PRIMPOL: variants seen among roughly 807,000 people sequenced by gnomAD.
PRIMPOL encodes DNA-directed primase/polymerase protein.
Under a neutral mutation model 63.6 loss-of-function variants are expected in PRIMPOL, and 54 were observed. That is an observed-to-expected ratio of 0.85 (90% confidence interval 0.68 to 1.07). The LOEUF is 1.07. Ranked by LOEUF, PRIMPOL falls within the 50% of genes least tolerant of loss-of-function variation. The pLI is 0.00. For synonymous variants in PRIMPOL, 197 were observed against 220.2 expected, an observed-to-expected ratio of 0.89 and a Z score of 0.93; for missense variants, 610 against 648.3, an observed-to-expected ratio of 0.94 and a Z score of 0.64.
In PRIMPOL at chr4:184,672,177, T is replaced by G; in HGVS notation, c.561T>G (p.Asn187Lys). ...GATAATAGCTTTTTTCCTTAGGTAA[T>G]TTTTTGAGAAAAATTTTGCAGCCTG... ...VAFKDNIHVG[N>K]FLRKILQPAL... Residue 187 changes from asparagine (N) to lysine (K), a missense_variant, in exon 7 of 14, where the codon AAT becomes AAG. Coordinates refer to ENST00000314970, the MANE Select transcript of PRIMPOL (RefSeq NM_152683.4). 1 of 1,606,070 alleles carries G rather than the reference T, an allele frequency of 6.2e-7. No individual in the cohort carries two copies. Among genetic ancestry groups the G allele is most frequent in the Non-Finnish European group, 8.5e-7 (1 of 1,177,330 alleles).
intron 3 of PRIMPOL, among the ~76,000 whole-genome samples, chr4:184,658,925 G>C (rs979509765): frequency 9.4e-4 from 138 of 146,748 alleles, no homozygotes; most frequent in African/African-American, 3.1e-3. Context: ...AAAAAAAAAG[G>C]CTCCTACATA....
At chr4:184,678,524 T>TA in intron 8 of PRIMPOL, 130 bp downstream of exon 8, 18 of 503,726 alleles carry the variant, frequency 3.6e-5, no homozygotes, top group Non-Finnish European at 5.0e-5. Flanking sequence ...TTCTTACAGC[T>TA]CTTTTTTTTT....
rs755812044 is a variant in PRIMPOL at position 184,694,566 on chromosome 4, T to C, written c.1470T>C (p.Asn490=). The C allele has an allele frequency of 6.2e-7, 1 of 1,613,896 alleles. No individual in the cohort carries two copies. Among genetic ancestry groups the C allele is most frequent in the Non-Finnish European group, 8.5e-7 (1 of 1,179,924 alleles). The change falls in exon 14 of 14, where the codon AAT becomes AAC. Residue 490 remains asparagine, a synonymous_variant. Transcript: ENST00000314970. ...ATGAAGCAGATGAAACTAGGAGCAA[T>C]GAAACCCAGAATCCTCATAAACCAT... ...TTDEADETRS[N]ETQNPHKPSP...
At chr4:184,685,897 G>A (rs1411611977) in intron 11 of PRIMPOL, among the ~76,000 whole-genome samples, 1 of 152,102 alleles carries the variant, frequency 6.6e-6, no homozygotes, top group East Asian at 1.9e-4. Context: ...CGCCTCCTGG[G>A]TTCTAGCAAT....
intron 7 of PRIMPOL, among the ~76,000 whole-genome samples, chr4:184,676,265 CT>C (rs1753295504): frequency 2.6e-5 from 4 of 151,556 alleles, no homozygotes; most frequent in Admixed American, 2.6e-4. Flanking sequence ...TACGACCACA[CT>C]TTTAATACAA....
chr4:184,666,895 A>G (rs1361619048), intron 6 of PRIMPOL, among the ~76,000 whole-genome samples: 1 of 152,214 alleles, frequency 6.6e-6, no homozygotes, highest in Non-Finnish European at 1.5e-5. Context: ...AGTCCAAAGG[A>G]GAAACACATA....
intron 7 of PRIMPOL, among the ~76,000 whole-genome samples, chr4:184,672,922 GTGATTTC>G (rs754625149): frequency 1.1e-4 from 16 of 152,146 alleles, no homozygotes; most frequent in Non-Finnish European, 2.1e-4. Flanking sequence ...GTTCAAACCA[GTGATTTC>G]TTAACCCAGT....
chr4:184,665,872 T>TA (rs1310300539), intron 5 of PRIMPOL, 45 bp from the exon 6 acceptor site: 1 of 1,371,254 alleles, frequency 7.3e-7, no homozygotes, highest in Non-Finnish European at 9.9e-7. Context: ...AGAAAAATTT[T>TA]AAAACAAAAA....
At chr4:184,673,166 T>C (rs1179504862) in intron 7 of PRIMPOL, among the ~76,000 whole-genome samples, 4 of 149,720 alleles carry the variant, frequency 2.7e-5, no homozygotes, top group Non-Finnish European at 4.4e-5. Context: ...GTCCCGCTCT[T>C]TAGCCCAGGC....
At chr4:184,691,450 T>C (rs1056210887) in intron 11 of PRIMPOL, 49 bp from the exon 12 acceptor site, 1 of 1,144,458 alleles carries the variant, frequency 8.7e-7, no homozygotes, top group Non-Finnish European at 1.3e-6. Flanking sequence ...GATTTTGTTT[T>C]CTACCCAGTC....
At chr4:184,658,947 G>A (rs1400956743) in intron 3 of PRIMPOL, among the ~76,000 whole-genome samples, 1 of 148,676 alleles carries the variant, frequency 6.7e-6, no homozygotes, top group African/African-American at 2.5e-5. Context: ...ATTTTTTTAT[G>A]TACTGGGGAA....
chr4:184,652,796 G>A (rs961069608), intron 2 of PRIMPOL, among the ~76,000 whole-genome samples: 1 of 151,782 alleles, frequency 6.6e-6, no homozygotes, highest in Admixed American at 6.6e-5. Context: ...TAATCTCAGG[G>A]TAGAGGGAGA....
At chr4:184,679,980 C>T (rs1755170753) in intron 8 of PRIMPOL, among the ~76,000 whole-genome samples, 1 of 152,122 alleles carries the variant, frequency 6.6e-6, no homozygotes, top group Non-Finnish European at 1.5e-5. Context: ...TGATGTTGAA[C>T]AAAACAACAT....
rs1049651755 is a variant in PRIMPOL at position 184,677,525 on chromosome 4, GCACGACAC to G, written c.845-706_845-699del. The stretch of plus-strand genomic sequence containing the variant: ...TAATATAGTTTTATATATTAGATAG[GCACGACAC>G]TGTCTAATATAGTTTTGTTATAAGT... On this transcript the variant is annotated intron_variant, in intron 7 of 13. Transcript: ENST00000314970. Among the ~76,000 whole-genome samples, 172 of 152,164 alleles carry G rather than the reference GCACGACAC, an allele frequency of 1.1e-3. 1 individual carries two copies. In the East Asian group the frequency reaches 0.024, roughly 21 times the overall value.
In PRIMPOL at chr4:184,691,537, A is replaced by T; in HGVS notation, c.1334A>T (p.Lys445Ile). The change falls in exon 12 of 14, where the codon AAA becomes ATA. Residue 445 changes from lysine to isoleucine, a missense_variant. Transcript: ENST00000314970. ...VDLKNEVWYQ[K>I]CHDPVCKAEN... is the part of the protein sequence containing the mutation. The stretch of plus-strand genomic sequence containing the variant: ...CTGAAAAATGAAGTTTGGTATCAAA[A>T]ATGTCATGACCCTGTATGTAAAGCA... 1.2e-6 allele frequency: 2 copies of T among 1,608,148 alleles called. No individual in the cohort carries two copies. Among genetic ancestry groups the T allele is most frequent in the Non-Finnish European group, 1.7e-6 (2 of 1,176,898 alleles).
At chr4:184,651,617 GT>G (rs1441238015) in intron 1 of PRIMPOL, among the ~76,000 whole-genome samples, 1 of 152,070 alleles carries the variant, frequency 6.6e-6, no homozygotes, top group African/African-American at 2.4e-5. Flanking sequence ...CAGTTTTCTG[GT>G]TTCCTGTAAA....
intron 6 of PRIMPOL, among the ~76,000 whole-genome samples, chr4:184,667,536 C>T (rs182846741): frequency 2.4e-3 from 364 of 152,176 alleles, no homozygotes; most frequent in African/African-American, 6.7e-3. Flanking sequence ...GGTCTTGATC[C>T]CCTGACCTTG....
In PRIMPOL at chr4:184,657,218, A is replaced by G. The variant is rs1258253519; in HGVS notation, c.78A>G (p.Ser26=). 5.6e-6 allele frequency: 9 copies of G among 1,613,770 alleles called. No individual in the cohort carries two copies. ...ASHYERKPLS[S]VYRPRLSKPE... The stretch of plus-strand genomic sequence containing the variant: ...ATTATGAGAGGAAACCGTTGTCCTC[A>G]GTGTATAGACCAAGATTGTCCAAGC... Residue 26 remains serine, a synonymous_variant, in exon 3 of 14, where the codon TCA becomes TCG. Transcript: ENST00000314970.
In PRIMPOL at chr4:184,694,362, A is replaced by G. The variant is rs1482086925; in HGVS notation, c.1426-160A>G. ...CAGCAACGTTTGAATCAGTGCACTC[A>G]TTCCCACGGTGAGATATCGGAGACA... On this transcript the variant is annotated intron_variant, in intron 13 of 13. Transcript: ENST00000314970. The G allele has an allele frequency of 2.1e-6, 3 of 1,406,918 alleles. No individual in the cohort carries two copies. The East Asian group carries it at 7.6e-5, about 36-fold the overall frequency. The allele number at this position is 1,406,918 out of a possible 1,614,324, so 87.2% of individuals were successfully genotyped here.
Sources: gnomAD v4.1 joint callset for allele counts (sites outside exome capture counted in the v4.1 genomes callset) on GRCh38, gnomAD v4.1.1 for gene constraint, MANE v1.5 for transcripts, NCBI Gene and HGNC (gene_info 2026-07-23, HGNC 2026-07-21) for gene names.